DENND2C: variants seen among roughly 807,000 people sequenced by gnomAD.
DENND2C encodes the protein DENN domain containing 2C.
A neutral mutation model predicts 112.4 loss-of-function variants in DENND2C; 72 were observed. That is an observed-to-expected ratio of 0.64 (90% CI 0.53 to 0.78). The LOEUF (loss-of-function observed/expected upper bound fraction) is 0.78. Ranked by LOEUF, DENND2C falls within the 30% of genes least tolerant of loss-of-function variation. The pLI, the probability that DENND2C is intolerant of heterozygous loss-of-function variation, is 0.00. For missense variants in DENND2C, 992 were observed against 1,113.8 expected (o/e 0.89, Z 1.56); for synonymous variants, 329 against 381.6 (o/e 0.86, Z 1.61).
chr1:114,602,688 C>T (rs1255975679), intron 11 of DENND2C, among the ~76,000 whole-genome samples: 1 of 152,080 alleles, frequency 6.6e-6, no homozygotes, highest in Non-Finnish European at 1.5e-5. Context: ...CTCAGCCTCC[C>T]AAGTAGCTGG....
At chr1:114,646,197 G>A (rs967930623) in intron 2 of DENND2C, among the ~76,000 whole-genome samples, 22 of 152,112 alleles carry the variant, frequency 1.4e-4, no homozygotes, top group Non-Finnish European at 7.3e-5. Context: ...AAAGTGCTGG[G>A]ATTACAGGTG....
At chr1:114,637,105 C>CA (rs112092901) in intron 3 of DENND2C, among the ~76,000 whole-genome samples, 124,222 of 148,664 alleles carry the variant, frequency 0.84, 52,302 homozygotes, top group African/African-American at 0.91. Context: ...AACAAAAATA[C>CA]AAAAAAAAAC....
chr1:114,607,567 T>A (rs1018480331), intron 10 of DENND2C, among the ~76,000 whole-genome samples: 1 of 152,236 alleles, frequency 6.6e-6, no homozygotes, highest in African/African-American at 2.4e-5. Context: ...AACCCAACCA[T>A]GTCTGTGGGC....
chr1:114,663,856 C>G (rs1307931809), intron 1 of DENND2C, among the ~76,000 whole-genome samples: 2 of 152,112 alleles, frequency 1.3e-5, no homozygotes, highest in Non-Finnish European at 2.9e-5. Context: ...ATGACAGAGA[C>G]CGTATGGCAC....
intron 3 of DENND2C, among the ~76,000 whole-genome samples, chr1:114,635,181 C>G (rs535848367): frequency 6.6e-6 from 1 of 151,984 alleles, no homozygotes; most frequent in African/African-American, 2.4e-5. Context: ...ATAAAATGTA[C>G]CAACCTTTTC....
intron 1 of DENND2C, among the ~76,000 whole-genome samples, chr1:114,664,293 GGAATATGCTTTC>G (rs1657587814): frequency 6.6e-6 from 1 of 151,968 alleles, no homozygotes; most frequent in African/African-American, 2.4e-5. Flanking sequence ...TGATGGGATA[GGAATATGCTTTC>G]GAAGCTTTGA....
At chr1:114,669,756 G>A (rs1657738771) in intron 1 of DENND2C, among the ~76,000 whole-genome samples, 1 of 152,000 alleles carries the variant, frequency 6.6e-6, no homozygotes, top group African/African-American at 2.4e-5. Flanking sequence ...GCCACGAGAG[G>A]ACGTCCCAAA....
chr1:114,595,482 CAA>C (rs1200426049), intron 17 of DENND2C: 473 of 69,036 alleles, frequency 6.9e-3, no homozygotes, highest in South Asian at 0.021. Flanking sequence ...GACTCCATCT[CAA>C]AAAAAAAAAA....
chr1:114,642,058 T>A (rs927181737), intron 3 of DENND2C, among the ~76,000 whole-genome samples: 4 of 152,124 alleles, frequency 2.6e-5, no homozygotes, highest in Non-Finnish European at 4.4e-5. Flanking sequence ...TTCAAGTGGT[T>A]CTCCTACCTT....
chr1:114,587,094 C>T (rs953140190), intron 20 of DENND2C: 1 of 291,896 alleles, frequency 3.4e-6, no homozygotes, highest in Admixed American at 4.4e-5. Flanking sequence ...GATGGGGTTT[C>T]ACCATGTTGG....
chr1:114,600,358 A>G lies in DENND2C; in HGVS notation c.1957-6T>C. 1.2e-6 allele frequency: 2 copies of G among 1,613,944 alleles called. No homozygotes were observed. The highest frequency in any genetic ancestry group is 1.7e-6 in the Non-Finnish European group (2 of 1,179,878). ...GGTCGGCAGAGTTCAATGGACTGAAATGCAAGAAGTTGAATCAGGTGAGCT... is the reference window on the plus strand; with the variant it reads ...GGTCGGCAGAGTTCAATGGACTGAAGTGCAAGAAGTTGAATCAGGTGAGCT... On this transcript the variant is annotated splice_region_variant and splice_polypyrimidine_tract_variant and intron_variant, in intron 14 of 20. Coordinates refer to ENST00000393274, the MANE Select transcript of DENND2C (RefSeq NM_001256404.2).
In DENND2C at chr1:114,608,881, G is replaced by A. The variant is rs199758736; in HGVS notation, c.1370-8C>T. On this transcript the variant is annotated splice_polypyrimidine_tract_variant and splice_region_variant and intron_variant, in intron 9 of 20. Transcript: ENST00000393274. ...CTAAGCGTTTATGGCGATCTGTAAT[G>A]AAATCATGGAGAAATGTTTTTTTCT... is the stretch of plus-strand genomic sequence containing the variant. 2 of 1,613,858 alleles carry A rather than the reference G, an allele frequency of 1.2e-6. No individual in the cohort carries two copies. The highest frequency in any genetic ancestry group is 4.5e-5 in the East Asian group (2 of 44,882).
intron 1 of DENND2C, among the ~76,000 whole-genome samples, chr1:114,662,108 G>A (rs1657507582): frequency 6.6e-6 from 1 of 152,150 alleles, no homozygotes. Flanking sequence ...GAAATTTTCA[G>A]TAAATACTGT....
chr1:114,632,392 A>C (rs1028747002), intron 3 of DENND2C, among the ~76,000 whole-genome samples: 1 of 152,096 alleles, frequency 6.6e-6, no homozygotes, highest in Non-Finnish European at 1.5e-5. Context: ...ATAAGGAGAA[A>C]ATTCTTAAGA....
At chr1:114,626,700 C>T (rs889372697) in intron 3 of DENND2C, among the ~76,000 whole-genome samples, 2 of 151,606 alleles carry the variant, frequency 1.3e-5, no homozygotes, top group Non-Finnish European at 2.9e-5. Flanking sequence ...TTCGTAGAGA[C>T]GGAGTTTCTC....
Position 114,587,486 on chromosome 1 carries a change from ACT to A in DENND2C, c.2669-15_2669-14del, listed in dbSNP as rs751305587. On this transcript the variant is annotated splice_polypyrimidine_tract_variant and intron_variant, in intron 19 of 20. Coordinates refer to ENST00000393274, the MANE Select transcript of DENND2C (RefSeq NM_001256404.2). ...ATCTCAAACAAACCTACAAGGAAAA[ACT>A]CATGTTGGTGAAACTGTGTAACACT... 7.4e-6 allele frequency: 12 copies of A among 1,613,952 alleles called. No individual in the cohort carries two copies. Among genetic ancestry groups the A allele is most frequent in the Non-Finnish European group, 9.3e-6 (11 of 1,179,888 alleles).
At chr1:114,664,141 T>C (rs1265222433) in intron 1 of DENND2C, among the ~76,000 whole-genome samples, 1 of 152,176 alleles carries the variant, frequency 6.6e-6, no homozygotes, top group African/African-American at 2.4e-5. Flanking sequence ...GGTCTCCTTA[T>C]GTTGCTCAGG....
At chr1:114,664,279 C>T (rs191106764) in intron 1 of DENND2C, among the ~76,000 whole-genome samples, 1 of 151,924 alleles carries the variant, frequency 6.6e-6, no homozygotes, top group East Asian at 1.9e-4. Context: ...AACTAAAGAT[C>T]CAGTGATGGG....
In DENND2C at chr1:114,594,586, A is replaced by G. The variant is rs749613665; in HGVS notation, c.2326-8T>C. 7.5e-6 allele frequency: 12 copies of G among 1,606,132 alleles called. No individual in the cohort carries two copies. The Admixed American group carries it at 1.7e-4, about 22-fold the overall frequency. On this transcript the variant is annotated splice_polypyrimidine_tract_variant and splice_region_variant and intron_variant, in intron 17 of 20. Coordinates refer to ENST00000393274, the MANE Select transcript of DENND2C (RefSeq NM_001256404.2). Reference sequence around the variant, plus strand: ...TTCATCCTCATCAGATACCTTAAGAAGAAAAAAAAATGGAGATTTTTCTTT... The same window carrying G: ...TTCATCCTCATCAGATACCTTAAGAGGAAAAAAAAATGGAGATTTTTCTTT...
Sources: gnomAD v4.1 joint callset for allele counts (sites outside exome capture counted in the v4.1 genomes callset) on GRCh38, gnomAD v4.1.1 for gene constraint, MANE v1.5 for transcripts, NCBI Gene and HGNC (gene_info 2026-07-23, HGNC 2026-07-21) for gene names.